LDB2: variants seen among roughly 807,000 people sequenced by gnomAD.
LDB2 encodes the protein LIM domain-binding protein 2.
In LDB2, 12 loss-of-function variants were observed where a neutral mutation model predicts 44.3. The ratio of observed to expected loss-of-function variants is 0.27; its 90% CI spans 0.17 to 0.44. The LOEUF (loss-of-function observed/expected upper bound fraction) is 0.44. LDB2 is among the 20% of genes least tolerant of loss of function. The pLI, the probability that LDB2 is intolerant of heterozygous loss-of-function variation, is 1.00. For missense variants in LDB2, 344 were observed against 473.5 expected (o/e 0.73, Z 2.54); for synonymous variants, 164 against 174.8 (o/e 0.94, Z 0.49).
At chr4:16,729,337 GGGTAAC>G (rs1237625771) in intron 2 of LDB2, among the ~76,000 whole-genome samples, 1 of 152,074 alleles carries the variant, frequency 6.6e-6, no homozygotes, top group East Asian at 1.9e-4. Flanking sequence ...CACTATTTAA[GGGTAAC>G]GCACATTTGC....
chr4:16,711,574 C>G (rs973945218), intron 2 of LDB2, among the ~76,000 whole-genome samples: 50 of 152,312 alleles, frequency 3.3e-4, no homozygotes, highest in African/African-American at 1.1e-3. Flanking sequence ...TTAACAAGGT[C>G]TCCCTGGATG....
At chr4:16,557,632 G>A (rs1477778102) in intron 5 of LDB2, among the ~76,000 whole-genome samples, 6 of 152,224 alleles carry the variant, frequency 3.9e-5, no homozygotes, top group African/African-American at 1.4e-4. Context: ...CACCTCTGGG[G>A]GCAGGGCACA....
At chr4:16,775,346 A>G (rs1050623326) in intron 1 of LDB2, among the ~76,000 whole-genome samples, 8 of 152,172 alleles carry the variant, frequency 5.3e-5, no homozygotes, top group Non-Finnish European at 8.8e-5. Flanking sequence ...TACAGCCTAC[A>G]CACCTTGCTG....
In LDB2 at chr4:16,739,589, A is replaced by ATAT. The variant is rs56104433; in HGVS notation, c.235+19568_235+19569insATA. 4.2e-3 allele frequency among the ~76,000 whole-genome samples: 271 copies of ATAT among 64,276 alleles called. 45 individuals carry two copies. The highest frequency in any genetic ancestry group is 0.015 in the African/African-American group (221 of 15,216). 42.2% of individuals were successfully genotyped at this position (64,276 alleles called of 152,430 possible). ...TGACAGAGGGAAAAAAAAAAAAAAAAATATATATATATATATATATGTATA... is the reference window on the plus strand; with the variant it reads ...TGACAGAGGGAAAAAAAAAAAAAAAATATATATATATATATATATATATGTATA... On this transcript the variant is annotated intron_variant, in intron 2 of 7. Transcript: ENST00000304523.
Position 16,812,582 on chromosome 4 carries a change from T to TTATATATATATATA in LDB2, c.133-53336_133-53323dup, listed in dbSNP as rs6148319. On this transcript the variant is annotated intron_variant, in intron 1 of 7. Transcript: ENST00000304523. ...ATACTTGAGGCTGGAATCAATGAAATTATATATATATATATATATATATAT... is the reference window on the plus strand; with the variant it reads ...ATACTTGAGGCTGGAATCAATGAAATTATATATATATATATATATATATATATATATATATATAT... 7.3e-3 allele frequency among the ~76,000 whole-genome samples: 845 copies of TTATATATATATATA among 115,426 alleles called. 13 individuals carry two copies. Among genetic ancestry groups the TTATATATATATATA allele is most frequent in the African/African-American group, 0.021 (552 of 25,746 alleles). 75.7% of individuals were successfully genotyped at this position (115,426 alleles called of 152,430 possible). A position where few individuals can be genotyped will look rare whatever the true frequency, so the allele number is the denominator to read the frequency against.
At chr4:16,813,816 T>C (rs1005738220) in intron 1 of LDB2, among the ~76,000 whole-genome samples, 3 of 152,164 alleles carry the variant, frequency 2.0e-5, no homozygotes, top group Non-Finnish European at 4.4e-5. Context: ...TTTTGTTCGT[T>C]TGGGCTTTGG....
At chr4:16,573,082 C>G (rs907941208) in intron 5 of LDB2, among the ~76,000 whole-genome samples, 1 of 152,214 alleles carries the variant, frequency 6.6e-6, no homozygotes. Context: ...TAAGAACAAG[C>G]CAGGCCTGAG....
chr4:16,613,844 C>T (rs749717278), intron 2 of LDB2, among the ~76,000 whole-genome samples: 72 of 152,038 alleles, frequency 4.7e-4, no homozygotes, highest in Non-Finnish European at 8.2e-4. Flanking sequence ...CCATACTGCC[C>T]GAAGTAATTT....
intron 1 of LDB2, among the ~76,000 whole-genome samples, chr4:16,805,310 T>A (rs540286064): frequency 2.6e-5 from 4 of 152,362 alleles, no homozygotes; most frequent in African/African-American, 9.6e-5. Flanking sequence ...TATTTTTAAA[T>A]GCTGGGTAAG....
intron 2 of LDB2, among the ~76,000 whole-genome samples, chr4:16,628,907 G>A (rs1442264059): frequency 3.3e-5 from 5 of 152,174 alleles, no homozygotes; most frequent in Non-Finnish European, 7.3e-5. Flanking sequence ...CCCAAATACT[G>A]CACTTTTCCC....
At chr4:16,530,093 A>C (rs1211024460) in intron 5 of LDB2, among the ~76,000 whole-genome samples, 2 of 152,222 alleles carry the variant, frequency 1.3e-5, no homozygotes, top group Non-Finnish European at 1.5e-5. Context: ...AATTATTTAT[A>C]AACCAGCAAG....
At chr4:16,715,788 G>C (rs1198672620) in intron 2 of LDB2, among the ~76,000 whole-genome samples, 4 of 152,100 alleles carry the variant, frequency 2.6e-5, no homozygotes, top group Non-Finnish European at 5.9e-5. Flanking sequence ...GAAGTCACTA[G>C]TATTCAACCC....
At position 16,594,659 on chromosome 4, in the gene LDB2, G is replaced by T. The variant is rs372658943; in HGVS notation, c.408+1044C>A. On this transcript the variant is annotated intron_variant, in intron 3 of 7. Coordinates refer to ENST00000304523, the MANE Select transcript of LDB2 (RefSeq NM_001290.5). ...ACCAAAAAGATCAATGAATAAATAA[G>T]AAACATTATATTTTTATTCTTGCAG... Among the ~76,000 whole-genome samples, 8 of 152,278 alleles carry T rather than the reference G, an allele frequency of 5.3e-5. No homozygotes were observed. In the East Asian group the frequency reaches 1.5e-3, roughly 29 times the overall value.
intron 2 of LDB2, among the ~76,000 whole-genome samples, chr4:16,699,036 C>T (rs1045545020): frequency 6.6e-6 from 1 of 152,160 alleles, no homozygotes; most frequent in African/African-American, 2.4e-5. Context: ...TTTTAAGAGG[C>T]AGCTCTTTAT....
At chr4:16,630,648 T>G (rs2152494200) in intron 2 of LDB2, among the ~76,000 whole-genome samples, 1 of 152,268 alleles carries the variant, frequency 6.6e-6, no homozygotes, top group African/African-American at 2.4e-5. Flanking sequence ...ACTGGCAAAT[T>G]GGATAAAGAG....
At chr4:16,594,124 ATG>A (rs1720067176) in intron 3 of LDB2, among the ~76,000 whole-genome samples, 1 of 151,670 alleles carries the variant, frequency 6.6e-6, no homozygotes, top group South Asian at 2.1e-4. Flanking sequence ...AGGAGTTGGT[ATG>A]TTTCTCTTGA....
At chr4:16,893,476 A>G (rs1724001339) in intron 1 of LDB2, among the ~76,000 whole-genome samples, 1 of 152,056 alleles carries the variant, frequency 6.6e-6, no homozygotes, top group South Asian at 2.1e-4. Flanking sequence ...AAAGTATATA[A>G]AAATGTAGCT....
chr4:16,703,492 C>T (rs1047130583), intron 2 of LDB2, among the ~76,000 whole-genome samples: 2 of 152,178 alleles, frequency 1.3e-5, no homozygotes, highest in African/African-American at 2.4e-5. Context: ...GGGTAGAGAG[C>T]AGTTGGACAT....
At chr4:16,887,688 C>G (rs987025809) in intron 1 of LDB2, among the ~76,000 whole-genome samples, 13 of 149,052 alleles carry the variant, frequency 8.7e-5, no homozygotes, top group Non-Finnish European at 7.4e-5. Flanking sequence ...TAACTCCTAC[C>G]AAAAGGAAAA....
Sources: allele counts gnomAD v4.1 joint callset (sites outside exome capture counted in the v4.1 genomes callset), GRCh38; gene constraint gnomAD v4.1.1; transcripts MANE v1.5; gene names NCBI Gene and HGNC (gene_info 2026-07-23, HGNC 2026-07-21).